Variants in DMD observed in about 807,000 individuals in gnomAD.
The protein encoded by DMD is mutant dystrophin.
Under a neutral mutation model 330.1 loss-of-function variants are expected in DMD, and 63 were observed. The observed-to-expected ratio is 0.19, with a 90% CI of 0.16 to 0.24. The LOEUF (loss-of-function observed/expected upper bound fraction) is 0.24. Ranked by LOEUF, DMD falls within the 10% of genes least tolerant of loss-of-function variation. The pLI, the probability that DMD is intolerant of heterozygous loss-of-function variation, is 1.00. For missense variants in DMD, 3,344 were observed against 2,684.1 expected, an observed-to-expected ratio of 1.25 and a Z score of -5.43; for synonymous variants, 1,223 against 959.8, an observed-to-expected ratio of 1.27 and a Z score of -5.07.
intron 2 of DMD, among the ~76,000 whole-genome samples, chrX:32,853,399 T>G (rs1286063481): frequency 8.9e-6 from 1 of 111,785 alleles, no homozygotes; most frequent in Non-Finnish European, 1.9e-5. Context: ...CTCTAATAAC[T>G]TTAAGACATA....
chrX:32,955,213 G>A (rs1291455802), intron 2 of DMD, among the ~76,000 whole-genome samples: 1 of 111,304 alleles, frequency 9.0e-6, no homozygotes, highest in Non-Finnish European at 1.9e-5. Flanking sequence ...ACTATTTTTT[G>A]ACTTTTTATT....
At chrX:31,831,798 T>A (rs1184528950) in intron 49 of DMD, among the ~76,000 whole-genome samples, 2 of 111,844 alleles carry the variant, frequency 1.8e-5, no homozygotes, top group Admixed American at 9.5e-5. Flanking sequence ...GAGATGGGGT[T>A]TCACCATGTT....
At chrX:31,628,943 A>ATATATATATATATATATAT (rs756897440) in intron 54 of DMD, among the ~76,000 whole-genome samples, 10 of 70,643 alleles carry the variant, frequency 1.4e-4, no homozygotes, top group Non-Finnish European at 2.9e-4. Context: ...TATATATATA[A>ATATATATATATATATATAT]AATGCATGTA....
Position 32,522,166 on chromosome X carries a change from A to C in DMD, c.2169-4035T>G, listed in dbSNP as rs1178035927. Among the ~76,000 whole-genome samples the C allele has an allele frequency of 3.6e-5, 4 of 111,992 alleles. No individual in the cohort carries two copies. In the Admixed American group the frequency reaches 3.8e-4, roughly 11 times the overall value. On this transcript the variant is annotated intron_variant, in intron 17 of 78. Transcript: ENST00000357033. ...TCCTTCCCATGTTTAATGTATTGCA[A>C]AGTCTAATCTGTCACACATACATTC...
chrX:32,148,035 G>A (rs978574142), intron 44 of DMD, among the ~76,000 whole-genome samples: 8 of 108,905 alleles, frequency 7.3e-5, no homozygotes, highest in African/African-American at 2.0e-4. Context: ...CCACTACCAC[G>A]CCAGGCTAAT....
intron 51 of DMD, among the ~76,000 whole-genome samples, chrX:31,746,502 G>A (rs1433991810): frequency 8.9e-6 from 1 of 112,049 alleles, no homozygotes; most frequent in Non-Finnish European, 1.9e-5. Flanking sequence ...TGTGATTAAA[G>A]CAATGAATCT....
rs56794668 is a variant in DMD, at chrX:33,026,313, C to CAAAAAAAAAAAAAAAAAAAAAAAAAAAA, written c.32-6141_32-6114dup. On this transcript the variant is annotated intron_variant, in intron 1 of 78. Transcript: ENST00000357033. ...CTGGGGGACAGAGGAGACTCCGTCT[C>CAAAAAAAAAAAAAAAAAAAAAAAAAAAA]AAAAAAAAAAAAAAAAAAAAAAAAA... 3.7e-4 allele frequency among the ~76,000 whole-genome samples: 12 copies of CAAAAAAAAAAAAAAAAAAAAAAAAAAAA among 32,787 alleles called. 1 individual carries two copies. Among genetic ancestry groups the CAAAAAAAAAAAAAAAAAAAAAAAAAAAA allele is most frequent in the Admixed American group, 1.3e-3 (3 of 2,302 alleles). The allele number at this position is 32,787 out of a possible 115,157, so 28.5% of individuals were successfully genotyped here. A position where few individuals can be genotyped will look rare whatever the true frequency, so the allele number is the denominator to read the frequency against.
At chrX:32,266,548 G>A (rs1362738174) in intron 43 of DMD, among the ~76,000 whole-genome samples, 1 of 111,820 alleles carries the variant, frequency 8.9e-6, no homozygotes, top group Non-Finnish European at 1.9e-5. Flanking sequence ...CTGTACACTT[G>A]CAGTATTTGA....
At chrX:32,780,626 C>T (rs1187446045) in intron 7 of DMD, among the ~76,000 whole-genome samples, 2 of 111,636 alleles carry the variant, frequency 1.8e-5, no homozygotes, top group African/African-American at 6.5e-5. Context: ...AATACAACTT[C>T]AATACTTGGA....
rs192535754 is a variant in DMD at position 31,906,123 on chromosome X, G to A, written c.6912+23473C>T. On this transcript the variant is annotated intron_variant, in intron 47 of 78. Coordinates refer to ENST00000357033, the MANE Select transcript of DMD (RefSeq NM_004006.3). Reference sequence around the variant, plus strand: ...TGTTCTTGTGACAGTGAGTTCTCACGAGGTCTGATGGTTTTATAAGGGGCT... The same window carrying A: ...TGTTCTTGTGACAGTGAGTTCTCACAAGGTCTGATGGTTTTATAAGGGGCT... Among the ~76,000 whole-genome samples the A allele has an allele frequency of 3.1e-3, 344 of 111,170 alleles. 2 individuals are homozygous for A. Among genetic ancestry groups the A allele is most frequent in the African/African-American group, 0.01 (321 of 30,617 alleles).
intron 6 of DMD, among the ~76,000 whole-genome samples, chrX:32,816,127 T>C (rs2077740539): frequency 9.0e-6 from 1 of 111,489 alleles, no homozygotes; most frequent in South Asian, 3.7e-4. Flanking sequence ...AAACACATTA[T>C]CTGTATAAAA....
At chrX:31,525,285 G>A (rs1316915517) in intron 55 of DMD, among the ~76,000 whole-genome samples, 3 of 111,617 alleles carry the variant, frequency 2.7e-5, no homozygotes, top group African/African-American at 6.5e-5. Context: ...CCATATGTTC[G>A]ATCACCTTTT....
intron 44 of DMD, among the ~76,000 whole-genome samples, chrX:32,109,218 G>A (rs1296088137): frequency 9.0e-6 from 1 of 111,094 alleles, no homozygotes; most frequent in Non-Finnish European, 1.9e-5. Context: ...CAATCTATCT[G>A]AGAAGAATCA....
chrX:33,311,726 C>A (rs997413324), intron 1 of DMD, among the ~76,000 whole-genome samples: 1 of 109,281 alleles, frequency 9.2e-6, no homozygotes, highest in Admixed American at 9.9e-5. Flanking sequence ...TGCTCTTATG[C>A]GTAGGGTTCT....
At chrX:32,924,936 C>T (rs888834519) in intron 2 of DMD, among the ~76,000 whole-genome samples, 1 of 110,185 alleles carries the variant, frequency 9.1e-6, no homozygotes, top group Non-Finnish European at 1.9e-5. Context: ...TAGCATAAAA[C>T]GTGTTTAAAA....
At chrX:32,878,191 C>T (rs565142992) in intron 2 of DMD, among the ~76,000 whole-genome samples, 8 of 111,127 alleles carry the variant, frequency 7.2e-5, no homozygotes, top group South Asian at 3.8e-4. Flanking sequence ...CTGGCTAACA[C>T]GGTGAAACCC....
At chrX:32,949,375 TA>T (rs1433426743) in intron 2 of DMD, among the ~76,000 whole-genome samples, 2 of 97,468 alleles carry the variant, frequency 2.1e-5, no homozygotes, top group African/African-American at 4.1e-5. Flanking sequence ...GATAGATAGA[TA>T]GATAGATAGA....
intron 1 of DMD, among the ~76,000 whole-genome samples, chrX:33,178,504 A>G (rs998544417): frequency 7.1e-5 from 8 of 112,037 alleles, no homozygotes; most frequent in African/African-American, 2.6e-4. Context: ...TACCTGATGC[A>G]CTCATTTTTT....
chrX:32,522,078 T>C (rs981129716), intron 17 of DMD, among the ~76,000 whole-genome samples: 3 of 111,988 alleles, frequency 2.7e-5, no homozygotes, highest in African/African-American at 9.8e-5. Flanking sequence ...TAAATTTCTG[T>C]GGTTTATAAG....
Sources: gnomAD v4.1 joint callset for allele counts (sites outside exome capture counted in the v4.1 genomes callset) on GRCh38, gnomAD v4.1.1 for gene constraint, MANE v1.5 for transcripts, NCBI Gene and HGNC (gene_info 2026-07-23, HGNC 2026-07-21) for gene names.